The following SLC30A7 variants were observed in gnomAD, a reference collection of about 807,000 sequenced individuals.
The protein encoded by SLC30A7 is zinc transporter 7.
A neutral mutation model predicts 46.0 loss-of-function variants in SLC30A7; 35 were observed. The ratio of observed to expected loss-of-function variants is 0.76; its 90% confidence interval spans 0.58 to 1.01. The LOEUF is 1.01. SLC30A7 is among the 50% of genes least tolerant of loss of function. The pLI is 0.00. For synonymous variants in SLC30A7, 147 were observed against 157.8 expected (o/e 0.93, Z 0.51); for missense variants, 464 against 451.1 (o/e 1.03, Z -0.26).
Position 100,918,077 on chromosome 1 carries a change from ATGGCCCGTC to A in SLC30A7, c.657_665del (p.Gly220_Ser222del). On this transcript the variant is annotated inframe_deletion and splice_region_variant, in exon 7 of 11. Transcript: ENST00000357650. ...TTTAAAATAACTTAATTCTCTACAG[ATGGCCCGTC>A]CTTAAAAGAAACAACAGGACCCAGC... The A allele has an allele frequency of 6.2e-7, 1 of 1,611,330 alleles. No homozygotes were observed. The highest frequency in any genetic ancestry group is 8.5e-7 in the Non-Finnish European group (1 of 1,178,148).
chr1:100,941,302 A>T (rs1654335748), intron 8 of SLC30A7: 3 of 384,588 alleles, frequency 7.8e-6, no homozygotes, highest in South Asian at 4.3e-5. Flanking sequence ...CACCATGACC[A>T]CTAAAGTTTC....
intron 6 of SLC30A7, among the ~76,000 whole-genome samples, chr1:100,915,994 G>A (rs1652517463): frequency 6.6e-6 from 1 of 151,982 alleles, no homozygotes; most frequent in Admixed American, 6.5e-5. Context: ...ATCTTATTGT[G>A]ATTCTGATTT....
intron 8 of SLC30A7, among the ~76,000 whole-genome samples, chr1:100,940,495 G>A (rs1654273963): frequency 6.6e-6 from 1 of 152,112 alleles, no homozygotes; most frequent in South Asian, 2.1e-4. Context: ...ATTAGAGTAA[G>A]TATTGGCCAC....
chr1:100,902,216 A>G lies in SLC30A7; in HGVS notation c.183-4636A>G, dbSNP rs908275713. Among the ~76,000 whole-genome samples, 4 of 152,130 alleles carry G rather than the reference A, an allele frequency of 2.6e-5. No individual in the cohort carries two copies. The South Asian group carries it at 8.3e-4, about 32-fold the overall frequency. On this transcript the variant is annotated intron_variant, in intron 2 of 10. Coordinates refer to ENST00000357650, the MANE Select transcript of SLC30A7 (RefSeq NM_133496.5). ...AGAACATAATGTTCTTCCATCTCAG[A>G]AGAGGGAGTAGTTTTTCAGGTAGTC...
chr1:100,979,817 G>C lies in SLC30A7; in HGVS notation c.*4960G>C, dbSNP rs899999658. The C allele has an allele frequency of 2.0e-5, 3 of 152,112 alleles. No individual in the cohort carries two copies. Among genetic ancestry groups the C allele is most frequent in the Non-Finnish European group, 4.4e-5 (3 of 67,990 alleles). The allele number at this position is 152,112 out of a possible 1,614,324, so 9.4% of individuals were successfully genotyped here. On this transcript the variant is annotated 3_prime_UTR_variant, in exon 11 of 11. Transcript: ENST00000357650. ...CCTGGGGAATCTAGCCAGTAGTAGA[G>C]TACTGATTAATCAGGTGCTGACATC... is the stretch of plus-strand genomic sequence containing the variant.
chr1:100,990,660 A>T, the SLC30A7 span: 10 of 1,595,692 alleles, frequency 6.3e-6, no homozygotes, highest in East Asian at 2.2e-4. Context: ...ACTGCTATTC[A>T]ATTCAGCAAA....
intron 8 of SLC30A7, among the ~76,000 whole-genome samples, chr1:100,953,403 TG>T (rs1655058372): frequency 6.6e-6 from 1 of 152,242 alleles, no homozygotes; most frequent in Non-Finnish European, 1.5e-5. Flanking sequence ...CTTTTTGTTC[TG>T]GGCTAATACT....
At chr1:100,964,071 C>T (rs985575832) in intron 9 of SLC30A7, among the ~76,000 whole-genome samples, 1 of 151,684 alleles carries the variant, frequency 6.6e-6, no homozygotes, top group African/African-American at 2.4e-5. Context: ...TATAATGTAC[C>T]AGGCAGTGTA....
chr1:100,944,495 T>A (rs558250921), intron 8 of SLC30A7, among the ~76,000 whole-genome samples: 52 of 152,164 alleles, frequency 3.4e-4, no homozygotes, highest in Middle Eastern at 3.2e-3. Flanking sequence ...TCTTTAGTTT[T>A]TTTATTTATT....
chr1:100,995,352 C>T, the SLC30A7 span: 1 of 451,514 alleles, frequency 2.2e-6, no homozygotes, highest in Non-Finnish European at 4.1e-6. Context: ...GAACTTGGCC[C>T]TGAGACCATC....
At chr1:100,937,930 G>A (rs1021162166) in intron 8 of SLC30A7, among the ~76,000 whole-genome samples, 1 of 152,138 alleles carries the variant, frequency 6.6e-6, no homozygotes. Flanking sequence ...TGAGGTAAGG[G>A]TCCAGCTTCC....
At chr1:100,922,140 A>G (rs569745214) in intron 8 of SLC30A7, among the ~76,000 whole-genome samples, 2 of 151,750 alleles carry the variant, frequency 1.3e-5, no homozygotes, top group Non-Finnish European at 1.5e-5. Context: ...TAATTTTTGT[A>G]TTTTTAATAG....
chr1:100,957,854 A>G (rs1655311487), intron 8 of SLC30A7, among the ~76,000 whole-genome samples: 1 of 152,158 alleles, frequency 6.6e-6, no homozygotes, highest in African/African-American at 2.4e-5. Flanking sequence ...TCTGTGATGG[A>G]TTCTTTTTTT....
the SLC30A7 span, chr1:100,995,603 A>G: frequency 4.4e-5 from 7 of 157,398 alleles, no homozygotes; most frequent in African/African-American, 1.4e-4. Flanking sequence ...TTTTGAATAA[A>G]TACTTTAATT....
chr1:100,973,643 G>A (rs576172715), intron 10 of SLC30A7, among the ~76,000 whole-genome samples: 1 of 152,098 alleles, frequency 6.6e-6, no homozygotes, highest in East Asian at 1.9e-4. Context: ...GAGTGCTGAG[G>A]TATTTACCAG....
chr1:100,901,780 T>C (rs771028288), intron 2 of SLC30A7, among the ~76,000 whole-genome samples: 4 of 152,186 alleles, frequency 2.6e-5, no homozygotes, highest in Non-Finnish European at 4.4e-5. Context: ...AAGGTAGTCA[T>C]TTAAAAGAGT....
chr1:100,905,136 C>G (rs553276430), intron 2 of SLC30A7, among the ~76,000 whole-genome samples: 14 of 152,150 alleles, frequency 9.2e-5, no homozygotes, highest in African/African-American at 3.1e-4. Context: ...CAATAATACA[C>G]TTTGATTTTC....
At chr1:100,960,140 A>G (rs894868287) in intron 8 of SLC30A7, among the ~76,000 whole-genome samples, 2 of 152,170 alleles carry the variant, frequency 1.3e-5, no homozygotes, top group East Asian at 1.9e-4. Flanking sequence ...TTCTATCCTC[A>G]TCACTGCCAT....
chr1:100,970,685 CAA>C (rs11351324), intron 10 of SLC30A7, among the ~76,000 whole-genome samples: 4,386 of 123,398 alleles, frequency 0.036, 219 homozygotes, highest in African/African-American at 0.12. Context: ...GTACAAACAG[CAA>C]AAAAAAAAAA....
Sources: allele counts gnomAD v4.1 joint callset (sites outside exome capture counted in the v4.1 genomes callset), GRCh38; gene constraint gnomAD v4.1.1; transcripts MANE v1.5; gene names NCBI Gene and HGNC (gene_info 2026-07-23, HGNC 2026-07-21).